THSD4: variants seen among roughly 807,000 people sequenced by gnomAD.
THSD4 encodes the protein thrombospondin type 1 domain containing 4, also known as thrombospondin type-1 domain-containing protein 4.
A neutral mutation model predicts 119.0 loss-of-function variants in THSD4; 69 were observed. That is an observed-to-expected ratio of 0.58 (90% confidence interval 0.48 to 0.71). The LOEUF (loss-of-function observed/expected upper bound fraction) is 0.71, where lower values mean the gene tolerates loss of function less well. Among genes scored for constraint, THSD4 ranks in the 30% least tolerant of loss-of-function variants. The probability of loss-of-function intolerance (pLI) is 0.00; values close to 1 mark genes in which losing one functional copy is unlikely to be tolerated. For synonymous variants in THSD4, 524 were observed against 540.4 expected (o/e 0.97, Z 0.42); for missense variants, 1,393 against 1,391.1 (o/e 1.00, Z -0.02).
In THSD4 at chr15:71,320,905, A is replaced by G. The variant is rs147774507; in HGVS notation, c.1015+64190A>G. On this transcript the variant is annotated intron_variant, in intron 6 of 17. Coordinates refer to ENST00000261862, the MANE Select transcript of THSD4 (RefSeq NM_024817.3). Reference sequence around the variant, plus strand: ...TTGTGTCTAGCTAGGATTTAATAACATGGTTTCATTTTCTTTTGTATTTAT... The same window carrying G: ...TTGTGTCTAGCTAGGATTTAATAACGTGGTTTCATTTTCTTTTGTATTTAT... 4.7e-4 allele frequency among the ~76,000 whole-genome samples: 71 copies of G among 152,322 alleles called. 1 individual carries two copies. The East Asian group carries it at 9.5e-3, about 20-fold the overall frequency.
At chr15:71,485,052 C>G (rs1304633190) in intron 7 of THSD4, among the ~76,000 whole-genome samples, 1 of 152,176 alleles carries the variant, frequency 6.6e-6, no homozygotes, top group African/African-American at 2.4e-5. Flanking sequence ...CCCAGCTCCT[C>G]TAGAGGCTAG....
intron 5 of THSD4, among the ~76,000 whole-genome samples, chr15:71,244,214 A>G (rs1216827214): frequency 6.6e-6 from 1 of 152,200 alleles, no homozygotes; most frequent in Non-Finnish European, 1.5e-5. Flanking sequence ...GAGTAGTAGA[A>G]CCAACTATCA....
At position 71,248,456 on chromosome 15, in the gene THSD4, G is replaced by A. The variant is rs529022030; in HGVS notation, c.912+5360G>A. 3.3e-5 allele frequency among the ~76,000 whole-genome samples: 5 copies of A among 152,264 alleles called. No homozygotes were observed. In the East Asian group the frequency reaches 9.7e-4, roughly 29 times the overall value. ...GATACTCTGACCTCTTCTGGAGGAGGGAGGCTGCAGTGCAAGGCAGGGACA... is the reference window on the plus strand; with the variant it reads ...GATACTCTGACCTCTTCTGGAGGAGAGAGGCTGCAGTGCAAGGCAGGGACA... On this transcript the variant is annotated intron_variant, in intron 5 of 17. Coordinates refer to ENST00000261862, the MANE Select transcript of THSD4 (RefSeq NM_024817.3).
chr15:71,304,616 A>G (rs138589217), intron 6 of THSD4, among the ~76,000 whole-genome samples: 1 of 152,296 alleles, frequency 6.6e-6, no homozygotes, highest in African/African-American at 2.4e-5. Flanking sequence ...ACACAAGAAC[A>G]TTACCTAAGA....
chr15:71,780,418 A>G lies in THSD4; in HGVS notation c.*3044A>G, dbSNP rs1440302578. The G allele has an allele frequency of 5.6e-6, 1 of 178,774 alleles. No homozygotes were observed. The highest frequency in any genetic ancestry group is 1.2e-5 in the Non-Finnish European group (1 of 81,780). The allele number at this position is 178,774 out of a possible 1,614,324, so 11.1% of individuals were successfully genotyped here. A position where few individuals can be genotyped will look rare whatever the true frequency, so the allele number is the denominator to read the frequency against. ...TGAAAAAGGAAATTGTGCCTCTTGC[A>G]GCCTAGGCAAAGGACATTTAGTACT... On this transcript the variant is annotated 3_prime_UTR_variant, in exon 18 of 18. Transcript: ENST00000261862.
intron 3 of THSD4, among the ~76,000 whole-genome samples, chr15:71,199,611 TGGTGTGTGG>T: frequency 7.5e-6 from 1 of 133,870 alleles, no homozygotes; most frequent in East Asian, 2.4e-4. Context: ...ATGGTGTGTG[TGGTGTGTGG>T]GTGTGTGGTG....
Position 71,240,695 on chromosome 15 carries a change from G to A in THSD4, c.465-1954G>A, listed in dbSNP as rs1010189025. On this transcript the variant is annotated intron_variant, in intron 4 of 17. Transcript: ENST00000261862. ...TCAGATCTTAAAAAAACACACATAC[G>A]CAGAAATTCTTTCCTTTGCCTTTGC... Among the ~76,000 whole-genome samples the A allele has an allele frequency of 3.3e-5, 5 of 151,758 alleles. No homozygotes were observed. The East Asian group carries it at 5.8e-4, about 18-fold the overall frequency.
At chr15:71,716,533 A>G (rs1270861102) in intron 8 of THSD4, among the ~76,000 whole-genome samples, 1 of 35,238 alleles carries the variant, frequency 2.8e-5, no homozygotes. Flanking sequence ...TTCATAGAGC[A>G]CTTTCCTGTT....
intron 3 of THSD4, among the ~76,000 whole-genome samples, chr15:71,202,656 T>C (rs2043813281): frequency 6.6e-6 from 1 of 152,198 alleles, no homozygotes; most frequent in Non-Finnish European, 1.5e-5. Context: ...ATTCAGCCGT[T>C]TTCCCCCATT....
chr15:71,226,370 G>A (rs1376712531), intron 4 of THSD4, among the ~76,000 whole-genome samples: 4 of 152,098 alleles, frequency 2.6e-5, no homozygotes, highest in Non-Finnish European at 4.4e-5. Context: ...ACAGGAGTAC[G>A]TGTGTGTGTT....
chr15:71,324,036 G>A (rs2045308726), intron 6 of THSD4, among the ~76,000 whole-genome samples: 1 of 152,126 alleles, frequency 6.6e-6, no homozygotes, highest in South Asian at 2.1e-4. Context: ...TTCTACTACA[G>A]CAGTGTTTCC....
chr15:71,550,538 G>C, intron 7 of THSD4, among the ~76,000 whole-genome samples: 1 of 152,160 alleles, frequency 6.6e-6, no homozygotes. Context: ...CCGGGTTCAC[G>C]CCATTTTCCC....
At chr15:71,098,910 A>G (rs1004413693) in intron 1 of THSD4, among the ~76,000 whole-genome samples, 1 of 152,190 alleles carries the variant, frequency 6.6e-6, no homozygotes, top group African/African-American at 2.4e-5. Context: ...AAAATCAGAC[A>G]CCTGCAAGCC....
chr15:71,361,659 T>C (rs2045893246), intron 6 of THSD4, among the ~76,000 whole-genome samples: 1 of 152,236 alleles, frequency 6.6e-6, no homozygotes, highest in Non-Finnish European at 1.5e-5. Flanking sequence ...TACAGCTATT[T>C]CACTATTTGG....
intron 7 of THSD4, among the ~76,000 whole-genome samples, chr15:71,570,255 A>G (rs1181066893): frequency 6.6e-6 from 1 of 152,196 alleles, no homozygotes; most frequent in Non-Finnish European, 1.5e-5. Flanking sequence ...GGGTTTACAA[A>G]TGGCTTTCTC....
intron 7 of THSD4, among the ~76,000 whole-genome samples, chr15:71,564,294 CA>C (rs1179172934): frequency 6.6e-6 from 1 of 152,160 alleles, no homozygotes; most frequent in Non-Finnish European, 1.5e-5. Context: ...GACCATAATC[CA>C]GTGTGAAAAC....
intron 7 of THSD4, among the ~76,000 whole-genome samples, chr15:71,494,760 C>G (rs1567007910): frequency 6.6e-6 from 1 of 152,162 alleles, no homozygotes; most frequent in African/African-American, 2.4e-5. Flanking sequence ...TATGCCAGTG[C>G]TAGTGAAATT....
chr15:71,483,975 C>G (rs2094708531), intron 7 of THSD4, among the ~76,000 whole-genome samples: 1 of 152,132 alleles, frequency 6.6e-6, no homozygotes. Context: ...AAGGGAGACA[C>G]CATTCATTCT....
At position 71,423,787 on chromosome 15, in the gene THSD4, C is replaced by G. The variant is rs542857523; in HGVS notation, c.1152+11964C>G. On this transcript the variant is annotated intron_variant, in intron 7 of 17. Transcript: ENST00000261862. Reference sequence around the variant, plus strand: ...ACGGCTTGTGGCCTAGACTGCCTTTCAGGTACATTTAGGACCCCAGAGTAC... The same window carrying G: ...ACGGCTTGTGGCCTAGACTGCCTTTGAGGTACATTTAGGACCCCAGAGTAC... Among the ~76,000 whole-genome samples the G allele has an allele frequency of 1.2e-4, 19 of 152,332 alleles. No homozygotes were observed. In the South Asian group the frequency reaches 2.7e-3, roughly 22 times the overall value.
Sources: allele counts gnomAD v4.1 joint callset (sites outside exome capture counted in the v4.1 genomes callset), GRCh38; gene constraint gnomAD v4.1.1; transcripts MANE v1.5; gene names NCBI Gene and HGNC (gene_info 2026-07-23, HGNC 2026-07-21).